ARHGAP6: variants seen among roughly 807,000 people sequenced by gnomAD.
ARHGAP6 encodes the protein Rho GTPase activating protein 6, also known as rho GTPase-activating protein 6.
ARHGAP6 carries 16 observed loss-of-function variants against 55.7 expected under a neutral mutation model. The ratio of observed to expected loss-of-function variants is 0.29; its 90% CI spans 0.19 to 0.44. The LOEUF (loss-of-function observed/expected upper bound fraction) is 0.44, where lower values mean the gene tolerates loss of function less well. ARHGAP6 is among the 20% of genes least tolerant of loss of function. ARHGAP6 has a pLI of 1.00. For missense variants in ARHGAP6, 698 were observed against 808.9 expected, an observed-to-expected ratio of 0.86 and a Z score of 1.66; for synonymous variants, 382 against 360.9, an observed-to-expected ratio of 1.06 and a Z score of -0.66.
chrX:11,629,441 T>C (rs1055799770), intron 1 of ARHGAP6, among the ~76,000 whole-genome samples: 3 of 111,427 alleles, frequency 2.7e-5, no homozygotes, highest in Non-Finnish European at 5.6e-5. Flanking sequence ...AATATTGATA[T>C]TTATAATGTA....
intron 2 of ARHGAP6, among the ~76,000 whole-genome samples, chrX:11,226,643 TAGG>T (rs2047055091): frequency 8.9e-6 from 1 of 112,120 alleles, no homozygotes; most frequent in African/African-American, 3.2e-5. Flanking sequence ...ATTCAGTTTT[TAGG>T]AGATCAGCGA....
In ARHGAP6 at chrX:11,144,121, G is replaced by A. The variant is rs751368849; in HGVS notation, c.2035C>T (p.Arg679Cys). 3 of 1,209,671 alleles carry A rather than the reference G, an allele frequency of 2.5e-6. No individual in the cohort carries two copies. Among genetic ancestry groups the A allele is most frequent in the East Asian group, 5.9e-5 (2 of 33,740 alleles). The change falls in exon 11 of 13, where the codon CGC (arginine) becomes TGC (cysteine). Residue 679 changes from arginine to cysteine, a missense_variant. Physicochemically the swap from Arg to Cys is radical, Grantham distance 180 (BLOSUM62 -3). Coordinates refer to ENST00000337414, the MANE Select transcript of ARHGAP6 (RefSeq NM_013427.3). Reference protein sequence around the residue: ...YDNNSPVLSERSLLAMQEDAA... With the variant: ...YDNNSPVLSECSLLAMQEDAA... ...TCCTCTTGCATAGCCAGCAGGGAGC[G>A]CTCAGACAGCACTGGGGAGTTGTTG...
rs763421292 is a variant in ARHGAP6 at position 11,179,322 on chromosome X, G to C, written c.1460C>G (p.Thr487Arg). 2.5e-6 allele frequency: 3 copies of C among 1,207,218 alleles called. No homozygotes were observed. Among genetic ancestry groups the C allele is most frequent in the Non-Finnish European group, 3.4e-6 (3 of 893,378 alleles). Reference sequence around the variant, plus strand: ...CGCACAGAGAGTGTTGATGAAAGCTGTGTACAGCTCCCTGGTGAGAAGGGG... The same window carrying C: ...CGCACAGAGAGTGTTGATGAAAGCTCTGTACAGCTCCCTGGTGAGAAGGGG... Reference protein sequence around the residue: ...PDPLLTRELYTAFINTLLLEP... With the variant: ...PDPLLTRELYRAFINTLLLEP... Residue 487 changes from threonine to arginine, a missense_variant, in exon 7 of 13, where the codon ACA (threonine) becomes AGA (arginine). Physicochemically the swap from Thr to Arg is moderately conservative, Grantham distance 71. This residue lies in a region of ARHGAP6 where 322 missense variants were observed against 451.1 expected (regional missense o/e 0.71). Transcript: ENST00000337414.
Position 11,188,906 on chromosome X carries a change from A to G in ARHGAP6, c.899T>C (p.Leu300Ser). The G allele has an allele frequency of 2.5e-6, 3 of 1,211,598 alleles. No homozygotes were observed. The change falls in exon 4 of 13, where the codon TTG (leucine) becomes TCG (serine). Residue 300 changes from leucine to serine, a missense_variant. By Grantham distance (145) the Leu-to-Ser change is moderately radical (BLOSUM62 -2). Transcript: ENST00000337414. ...NDRAYKLKQD[L>S]QRDEQKDASD... is the part of the protein sequence containing the mutation. Reference sequence around the variant, plus strand: ...TGCATCTTTCTGCTCGTCCCTCTGCAAGTCCTGCTTGAGTTTATAGGCCCT... The same window carrying G: ...TGCATCTTTCTGCTCGTCCCTCTGCGAGTCCTGCTTGAGTTTATAGGCCCT...
At chrX:11,189,057 C>T in intron 3 of ARHGAP6, 73 bp from the exon 4 acceptor site, 1 of 1,093,103 alleles carries the variant, frequency 9.1e-7, no homozygotes, top group Non-Finnish European at 1.2e-6. Context: ...ATGTTTCAGA[C>T]CTAAGTAAGA....
chrX:11,358,470 TTTCTTTCTTTCTTTC>T (rs1440650282), intron 1 of ARHGAP6, among the ~76,000 whole-genome samples: 2 of 97,453 alleles, frequency 2.1e-5, no homozygotes, highest in African/African-American at 7.9e-5. Flanking sequence ...TCTTTCTTTC[TTTCTTTCTTTCTTTC>T]TTTTTTTTTT....
intron 3 of ARHGAP6, among the ~76,000 whole-genome samples, chrX:11,193,425 C>T (rs1439719714): frequency 2.7e-5 from 3 of 112,781 alleles, no homozygotes; most frequent in East Asian, 2.8e-4. Flanking sequence ...ACCGGCACCC[C>T]GTCCTCCTCA....
chrX:11,488,774 C>A (rs762431841), intron 1 of ARHGAP6, among the ~76,000 whole-genome samples: 1 of 111,380 alleles, frequency 9.0e-6, no homozygotes, highest in Non-Finnish European at 1.9e-5. Context: ...CTAACTAGTG[C>A]CTGATGATCT....
chrX:11,391,279 A>T (rs999650781), intron 1 of ARHGAP6, among the ~76,000 whole-genome samples: 1 of 111,091 alleles, frequency 9.0e-6, no homozygotes, highest in Non-Finnish European at 1.9e-5. Flanking sequence ...ACACATGGAC[A>T]CAGGAAGGGG....
chrX:11,566,012 A>T (rs1211097971), intron 1 of ARHGAP6, among the ~76,000 whole-genome samples: 1 of 112,447 alleles, frequency 8.9e-6, no homozygotes, highest in Admixed American at 9.4e-5. Context: ...ACTAAAATTC[A>T]AAATTCAGTG....
chrX:11,498,229 A>G (rs1276279984), intron 1 of ARHGAP6, among the ~76,000 whole-genome samples: 1 of 111,630 alleles, frequency 9.0e-6, no homozygotes, highest in Non-Finnish European at 1.9e-5. Context: ...GAATTTCCCT[A>G]GAGTATGTAT....
chrX:11,301,390 T>C (rs745910768), intron 1 of ARHGAP6, among the ~76,000 whole-genome samples: 8 of 112,053 alleles, frequency 7.1e-5, no homozygotes, highest in Non-Finnish European at 1.9e-5. Context: ...AACAAATGCA[T>C]AAAATGGACT....
chrX:11,505,917 G>C (rs905148793), intron 1 of ARHGAP6, among the ~76,000 whole-genome samples: 3 of 110,904 alleles, frequency 2.7e-5, no homozygotes, highest in Non-Finnish European at 5.7e-5. Flanking sequence ...TATAGGAGCA[G>C]AAAAAAATAA....
intron 1 of ARHGAP6, among the ~76,000 whole-genome samples, chrX:11,506,848 T>C (rs1280784949): frequency 2.7e-5 from 3 of 111,900 alleles, no homozygotes. Flanking sequence ...TAGTTTACAG[T>C]CCCACCGACA....
chrX:11,392,708 C>G (rs1263383986), intron 1 of ARHGAP6, among the ~76,000 whole-genome samples: 2 of 111,778 alleles, frequency 1.8e-5, no homozygotes, highest in Non-Finnish European at 3.8e-5. Flanking sequence ...CCAAAGAGCA[C>G]AAAATCACAG....
intron 1 of ARHGAP6, among the ~76,000 whole-genome samples, chrX:11,310,824 A>T (rs1161539096): frequency 8.9e-6 from 1 of 111,804 alleles, no homozygotes; most frequent in East Asian, 2.8e-4. Flanking sequence ...TTCTGGCTTC[A>T]TGGTTCAGCC....
intron 1 of ARHGAP6, among the ~76,000 whole-genome samples, chrX:11,591,249 T>C (rs1211905756): frequency 9.1e-6 from 1 of 109,640 alleles, no homozygotes; most frequent in African/African-American, 3.3e-5. Context: ...AGCGTAGCAG[T>C]CAAATGTATA....
At chrX:11,500,877 T>G (rs1001095235) in intron 1 of ARHGAP6, among the ~76,000 whole-genome samples, 4 of 110,480 alleles carry the variant, frequency 3.6e-5, no homozygotes, top group Admixed American at 2.9e-4. Flanking sequence ...AATAGGATCA[T>G]GGACATTAAT....
At chrX:11,372,642 C>A (rs1040168599) in intron 1 of ARHGAP6, among the ~76,000 whole-genome samples, 1 of 107,898 alleles carries the variant, frequency 9.3e-6, no homozygotes, top group Admixed American at 1.0e-4. Context: ...CATGGTGGCA[C>A]GCGCCTGTAG....
Sources: gnomAD v4.1 joint callset for allele counts (sites outside exome capture counted in the v4.1 genomes callset) on GRCh38, gnomAD v4.1.1 for gene constraint, gnomAD v4.1.1 regional missense constraint, MANE v1.5 for transcripts, NCBI Gene and HGNC (gene_info 2026-07-23, HGNC 2026-07-21) for gene names.